The following PAK5 variants were observed in gnomAD, a reference collection of about 807,000 sequenced individuals.
PAK5 encodes serine/threonine-protein kinase PAK 5.
A neutral mutation model predicts 65.9 loss-of-function variants in PAK5; 16 were observed. That is an observed-to-expected ratio of 0.24 (90% CI 0.16 to 0.37). PAK5 has a LOEUF of 0.37. PAK5 is among the 10% of genes least tolerant of loss of function. The pLI is 1.00. For synonymous variants in PAK5, 371 were observed against 354.9 expected, an observed-to-expected ratio of 1.05 and a Z score of -0.51; for missense variants, 785 against 903.9, an observed-to-expected ratio of 0.87 and a Z score of 1.69.
chr20:9,738,319 T>G (rs977407232), intron 1 of PAK5, among the ~76,000 whole-genome samples: 1 of 152,014 alleles, frequency 6.6e-6, no homozygotes, highest in Non-Finnish European at 1.5e-5. Flanking sequence ...GCCTAGGTAT[T>G]TACACCAGAG....
intron 7 of PAK5, among the ~76,000 whole-genome samples, chr20:9,553,572 G>A (rs904996499): frequency 1.8e-4 from 28 of 151,614 alleles, no homozygotes; most frequent in African/African-American, 5.1e-4. Context: ...GTGTGTGTGT[G>A]TATATATATA....
intron 3 of PAK5, among the ~76,000 whole-genome samples, chr20:9,605,458 G>A (rs142608212): frequency 6.6e-6 from 1 of 152,272 alleles, no homozygotes; most frequent in East Asian, 1.9e-4. Context: ...TAACTATAAG[G>A]TCTTATGCGA....
At chr20:9,573,614 T>C (rs995021841) in intron 4 of PAK5, among the ~76,000 whole-genome samples, 2 of 152,192 alleles carry the variant, frequency 1.3e-5, no homozygotes, top group Admixed American at 6.5e-5. Context: ...ATGCCAAGTC[T>C]TGGGGGGAAG....
At chr20:9,771,270 G>A (rs7509322) in intron 1 of PAK5, among the ~76,000 whole-genome samples, 2 of 152,104 alleles carry the variant, frequency 1.3e-5, no homozygotes, top group Non-Finnish European at 2.9e-5. Context: ...TCTTTATGTA[G>A]GCTGAACTAT....
chr20:9,838,513 G>A lies in PAK5; in HGVS notation c.-162+249C>T, dbSNP rs1205656921. Among the ~76,000 whole-genome samples, 1 of 152,202 alleles carries A rather than the reference G, an allele frequency of 6.6e-6. No individual in the cohort carries two copies. Among genetic ancestry groups the A allele is most frequent in the African/African-American group, 2.4e-5 (1 of 41,460 alleles). ...AATGGAACCATCCTTTATTTGGTTGGTAGAGAGCCCAGGCTGGATAGTAGC... is the reference window on the plus strand; with the variant it reads ...AATGGAACCATCCTTTATTTGGTTGATAGAGAGCCCAGGCTGGATAGTAGC... On this transcript the variant is annotated intron_variant, in intron 1 of 9. Coordinates refer to ENST00000353224, the MANE Select transcript of PAK5 (RefSeq NM_177990.4). The surrounding 1 kb of genome is among the most constrained non-coding windows in gnomAD (Gnocchi z 4.5).
In PAK5 at chr20:9,580,450, C is replaced by A; in HGVS notation, c.685G>T (p.Asp229Tyr). The change falls in exon 4 of 10, where the codon GAT becomes TAT. Residue 229 changes from aspartate to tyrosine, a missense_variant. Physicochemically the swap from Asp to Tyr is radical, Grantham distance 160. Around this residue, in one of 4 missense-constraint regions of PAK5, gnomAD observed 422 missense variants for 413.3 expected, o/e 1.02. Transcript: ENST00000353224. Reference protein sequence around the residue: ...YQRASSSSPLDYSFQFTPSRT... With the variant: ...YQRASSSSPLYYSFQFTPSRT... Reference sequence around the variant, plus strand: ...GAAGGTGTGAATTGGAATGAATAATCCAGAGGGGAGCTACTCGAGGCTCTC... The same window carrying A: ...GAAGGTGTGAATTGGAATGAATAATACAGAGGGGAGCTACTCGAGGCTCTC... The A allele has an allele frequency of 6.2e-7, 1 of 1,614,044 alleles. No homozygotes were observed. Among genetic ancestry groups the A allele is most frequent in the Non-Finnish European group, 8.5e-7 (1 of 1,180,012 alleles).
chr20:9,627,690 G>A (rs1337748092), intron 3 of PAK5, among the ~76,000 whole-genome samples: 1 of 151,670 alleles, frequency 6.6e-6, no homozygotes, highest in Non-Finnish European at 1.5e-5. Context: ...GCAGTGGCAC[G>A]ATCTCTGCTT....
intron 2 of PAK5, among the ~76,000 whole-genome samples, chr20:9,686,617 T>A (rs1040571432): frequency 3.3e-5 from 5 of 152,146 alleles, no homozygotes; most frequent in Admixed American, 2.0e-4. Flanking sequence ...AACACTTGCA[T>A]CCCCTATCCC....
intron 3 of PAK5, among the ~76,000 whole-genome samples, chr20:9,592,060 TAGAAG>T (rs1186036747): frequency 5.9e-5 from 9 of 152,104 alleles, no homozygotes; most frequent in African/African-American, 1.7e-4. Context: ...ATGCAAAAAA[TAGAAG>T]AGAAAAGTTG....
chr20:9,714,535 G>T (rs1278539219), intron 1 of PAK5, among the ~76,000 whole-genome samples: 2 of 152,092 alleles, frequency 1.3e-5, no homozygotes, highest in Non-Finnish European at 1.5e-5. Flanking sequence ...TGTTTTAAAG[G>T]TGTTGTGAAG....
At position 9,766,388 on chromosome 20, in the gene PAK5, G is replaced by GAA. The variant is rs1569079095; in HGVS notation, c.-161-54954_-161-54953insTT. ...ATATATATTCAAGCAGAATATATATGTATATATATATTCAAGCAGAATATA... is the reference window on the plus strand; with the variant it reads ...ATATATATTCAAGCAGAATATATATGAATATATATATATTCAAGCAGAATATA... On this transcript the variant is annotated intron_variant, in intron 1 of 9. Transcript: ENST00000353224. Among the ~76,000 whole-genome samples, 102 of 47,296 alleles carry GAA rather than the reference G, an allele frequency of 2.2e-3. 6 individuals are homozygous for GAA. The highest frequency in any genetic ancestry group is 5.2e-3 in the East Asian group (2 of 382). 31.0% of individuals were successfully genotyped at this position (47,296 alleles called of 152,430 possible). A position where few individuals can be genotyped will look rare whatever the true frequency, so the allele number is the denominator to read the frequency against.
chr20:9,766,468 TATATATGTATATATATATTCAAGCAGA>T lies in PAK5; in HGVS notation c.-161-55060_-161-55034del, dbSNP rs2048767457. Among the ~76,000 whole-genome samples, 9 of 41,732 alleles carry T rather than the reference TATATATGTATATATATATTCAAGCAGA, an allele frequency of 2.2e-4. 3 individuals carry two copies. Among genetic ancestry groups the T allele is most frequent in the African/African-American group, 1.4e-3 (9 of 6,390 alleles). 27.4% of individuals were successfully genotyped at this position (41,732 alleles called of 152,430 possible). On this transcript the variant is annotated intron_variant, in intron 1 of 9. Transcript: ENST00000353224. The stretch of plus-strand genomic sequence containing the variant: ...TATGTATATATATATTCAAGCAGAA[TATATATGTATATATATATTCAAGCAGA>T]ATATATATATATATATATTCAAGCA...
At position 9,609,906 on chromosome 20, in the gene PAK5, A is replaced by G. The variant is rs73247434; in HGVS notation, c.205-28976T>C. 3.3e-3 allele frequency among the ~76,000 whole-genome samples: 510 copies of G among 152,332 alleles called. 2 individuals are homozygous for G. Among genetic ancestry groups the G allele is most frequent in the African/African-American group, 0.012 (493 of 41,580 alleles). On this transcript the variant is annotated intron_variant, in intron 3 of 9. Coordinates refer to ENST00000353224, the MANE Select transcript of PAK5 (RefSeq NM_177990.4). The stretch of plus-strand genomic sequence containing the variant: ...ATATGTAACACTCTAAATCCATTCT[A>G]TGGAAGGTCTGTAATCAGCCTGTGA...
intron 1 of PAK5, among the ~76,000 whole-genome samples, chr20:9,834,211 A>T (rs139049153): frequency 1.9e-3 from 297 of 152,316 alleles, no homozygotes; most frequent in African/African-American, 6.5e-3. Flanking sequence ...TATGAGACTA[A>T]TATAAAAATC....
intron 2 of PAK5, among the ~76,000 whole-genome samples, chr20:9,673,710 T>C (rs2047531065): frequency 6.6e-6 from 1 of 152,224 alleles, no homozygotes; most frequent in African/African-American, 2.4e-5. Context: ...GAAACTGTTC[T>C]TTGAGCTCCT....
intron 3 of PAK5, 94 bp from the exon 4 acceptor site, chr20:9,581,024 A>G (rs2045971679): frequency 2.1e-6 from 2 of 943,698 alleles, no homozygotes; most frequent in Admixed American, 2.4e-5. Context: ...AAATTAAACT[A>G]CAGAAGAAAA....
At chr20:9,835,881 G>A (rs188675566) in intron 1 of PAK5, among the ~76,000 whole-genome samples, 1 of 152,126 alleles carries the variant, frequency 6.6e-6, no homozygotes, top group African/African-American at 2.4e-5. Context: ...GCTTGCCTTT[G>A]TTGCTATTAT....
chr20:9,714,278 T>C (rs2048114667), intron 1 of PAK5, among the ~76,000 whole-genome samples: 1 of 152,166 alleles, frequency 6.6e-6, no homozygotes. Context: ...GCCTTGTCTA[T>C]TATAGGTCAA....
chr20:9,690,446 A>T (rs2047777581), intron 2 of PAK5, among the ~76,000 whole-genome samples: 1 of 152,154 alleles, frequency 6.6e-6, no homozygotes. Context: ...TTATCTGGGA[A>T]TTAGTCCCAG....
Sources: allele counts gnomAD v4.1 joint callset (sites outside exome capture counted in the v4.1 genomes callset), GRCh38; gene constraint gnomAD v4.1.1; regional missense constraint gnomAD v4.1.1; non-coding constraint Gnocchi (gnomAD v3.1); transcripts MANE v1.5; gene names NCBI Gene and HGNC (gene_info 2026-07-23, HGNC 2026-07-21).